The following PCNX2 variants were observed in gnomAD, a reference collection of about 807,000 sequenced individuals.
PCNX2 encodes the protein pecanex 2.
PCNX2 carries 168 observed loss-of-function variants against 223.8 expected under a neutral mutation model. The ratio of observed to expected loss-of-function variants is 0.75; its 90% CI spans 0.66 to 0.85. The LOEUF (loss-of-function observed/expected upper bound fraction) is 0.85, where lower values mean the gene tolerates loss of function less well. Ranked by LOEUF, PCNX2 falls within the 40% of genes least tolerant of loss-of-function variation. The pLI is 0.00. For missense variants in PCNX2, 2,507 were observed against 2,675.5 expected (o/e 0.94, Z 1.39); for synonymous variants, 1,006 against 1,052.6 (o/e 0.96, Z 0.86).
chr1:233,026,271 G>A (rs1293158848), intron 25 of PCNX2, among the ~76,000 whole-genome samples: 5 of 152,158 alleles, frequency 3.3e-5, no homozygotes, highest in African/African-American at 9.7e-5. Flanking sequence ...AGATGACTAC[G>A]TCCAAGGCCT....
intron 10 of PCNX2, among the ~76,000 whole-genome samples, chr1:233,225,976 TC>T (rs1657685766): frequency 2.0e-5 from 3 of 152,312 alleles, no homozygotes; most frequent in Non-Finnish European, 4.4e-5. Flanking sequence ...ATAGTTTTTT[TC>T]ATATGTGATC....
At chr1:233,021,357 A>G (rs1319664246) in intron 26 of PCNX2, among the ~76,000 whole-genome samples, 1 of 152,220 alleles carries the variant, frequency 6.6e-6, no homozygotes, top group South Asian at 2.1e-4. Flanking sequence ...TAGTAGCTCC[A>G]AAGCCTACTT....
intron 9 of PCNX2, among the ~76,000 whole-genome samples, chr1:233,227,652 A>C (rs964366439): frequency 1.3e-5 from 2 of 152,194 alleles, no homozygotes; most frequent in African/African-American, 4.8e-5. Flanking sequence ...CATCACGTCA[A>C]AATGCTACTG....
chr1:233,208,641 G>C lies in PCNX2; in HGVS notation c.2740C>G (p.Leu914Val). Reference protein sequence around the residue: ...TYSRPIYFCVLCGLILLLDTG... With the variant: ...TYSRPIYFCVVCGLILLLDTG... ...TCAAGAAGCAAAATAAGGCCACACA[G>C]CACACAAAAATAGATTGGTCTGCTA... is the stretch of plus-strand genomic sequence containing the variant. The change falls in exon 13 of 34, where the codon CTG (leucine) becomes GTG (valine). Residue 914 changes from leucine to valine, a missense_variant. Physicochemically the swap from Leu to Val is conservative, Grantham distance 32 (BLOSUM62 1). Coordinates refer to ENST00000258229, the MANE Select transcript of PCNX2 (RefSeq NM_014801.4). 1.2e-6 allele frequency: 2 copies of C among 1,613,646 alleles called. No individual in the cohort carries two copies. The highest frequency in any genetic ancestry group is 1.7e-6 in the Non-Finnish European group (2 of 1,179,808).
intron 23 of PCNX2, among the ~76,000 whole-genome samples, chr1:233,089,207 G>C (rs1402878778): frequency 6.6e-6 from 1 of 152,148 alleles, no homozygotes; most frequent in Non-Finnish European, 1.5e-5. Flanking sequence ...AAAGGATTAG[G>C]GTTTAAAAGT....
intron 26 of PCNX2, among the ~76,000 whole-genome samples, chr1:233,023,608 CT>C (rs1275440489): frequency 6.6e-6 from 1 of 152,200 alleles, no homozygotes; most frequent in Admixed American, 6.5e-5. Context: ...TCTAACACAA[CT>C]GGTATATTGA....
chr1:233,207,951 A>T (rs1681575227), intron 13 of PCNX2, among the ~76,000 whole-genome samples: 2 of 151,756 alleles, frequency 1.3e-5, no homozygotes, highest in African/African-American at 2.4e-5. Flanking sequence ...TCTTCAGATG[A>T]GCATTTATTT....
At chr1:233,124,640 T>G (rs1292788198) in intron 21 of PCNX2, among the ~76,000 whole-genome samples, 1 of 152,228 alleles carries the variant, frequency 6.6e-6, no homozygotes, top group African/African-American at 2.4e-5. Flanking sequence ...CATTTGTTGT[T>G]CATGGTTTTC....
chr1:233,216,596 G>T (rs1257571979), intron 12 of PCNX2, among the ~76,000 whole-genome samples: 1 of 152,078 alleles, frequency 6.6e-6, no homozygotes, highest in Non-Finnish European at 1.5e-5. Context: ...CTGCTAGGGG[G>T]TACAGAAATC....
chr1:233,066,790 G>A (rs1672628971), intron 23 of PCNX2, among the ~76,000 whole-genome samples: 1 of 152,160 alleles, frequency 6.6e-6, no homozygotes, highest in African/African-American at 2.4e-5. Flanking sequence ...CCCTTGCCAG[G>A]CAATAATGAG....
chr1:233,303,239 T>C, the PCNX2 span, among the ~76,000 whole-genome samples: 1 of 152,128 alleles, frequency 6.6e-6, no homozygotes, highest in Non-Finnish European at 1.5e-5. Flanking sequence ...AAATCAAAGA[T>C]CATTATAAAA....
chr1:233,114,297 A>G (rs752115194), intron 21 of PCNX2, among the ~76,000 whole-genome samples: 4 of 152,194 alleles, frequency 2.6e-5, no homozygotes, highest in Non-Finnish European at 5.9e-5. Context: ...CAAGGGAGGA[A>G]CATTTAAAGA....
At chr1:233,279,640 T>G (rs1661088932) in intron 1 of PCNX2, among the ~76,000 whole-genome samples, 1 of 149,042 alleles carries the variant, frequency 6.7e-6, no homozygotes, top group Admixed American at 6.6e-5. Flanking sequence ...GATTTTGTAT[T>G]TGTTTGTTTT....
intron 1 of PCNX2, among the ~76,000 whole-genome samples, chr1:233,274,300 C>T (rs750209451): frequency 1.2e-4 from 19 of 152,164 alleles, no homozygotes; most frequent in Non-Finnish European, 1.8e-4. Flanking sequence ...TGAGGGGCTA[C>T]GTAGGTGCTA....
chr1:233,315,043 T>C, the PCNX2 span, among the ~76,000 whole-genome samples: 1 of 152,164 alleles, frequency 6.6e-6, no homozygotes, highest in East Asian at 1.9e-4. Context: ...CATCCATACA[T>C]TCAGGAAGGG....
intron 17 of PCNX2, among the ~76,000 whole-genome samples, chr1:233,171,798 C>A (rs1488555302): frequency 6.6e-6 from 1 of 152,136 alleles, no homozygotes; most frequent in Non-Finnish European, 1.5e-5. Context: ...CTCTCTTTTT[C>A]AAGGAATTCT....
At chr1:233,313,093 T>G in the PCNX2 span, among the ~76,000 whole-genome samples, 1 of 152,200 alleles carries the variant, frequency 6.6e-6, no homozygotes, top group Non-Finnish European at 1.5e-5. Context: ...AGAAATAAAA[T>G]GTTGATCTCA....
rs575653004 is a variant in PCNX2, at chr1:233,120,956, C to A, written c.3837+14057G>T. Among the ~76,000 whole-genome samples, 4 of 151,842 alleles carry A rather than the reference C, an allele frequency of 2.6e-5. No individual in the cohort carries two copies. In the East Asian group the frequency reaches 5.8e-4, roughly 22 times the overall value. On this transcript the variant is annotated intron_variant, in intron 21 of 33. Transcript: ENST00000258229. ...AGATTCAGAACAAACAGTCCAGGAACTAATAAGTCAGCATAGCAAGGCTGC... is the reference window on the plus strand; with the variant it reads ...AGATTCAGAACAAACAGTCCAGGAAATAATAAGTCAGCATAGCAAGGCTGC...
chr1:232,989,857 A>G (rs980712985), intron 32 of PCNX2, among the ~76,000 whole-genome samples: 14 of 152,264 alleles, frequency 9.2e-5, no homozygotes, highest in Admixed American at 7.8e-4. Flanking sequence ...CCCATAGGCA[A>G]GCGCCTGTAG....
Sources: allele counts gnomAD v4.1 joint callset (sites outside exome capture counted in the v4.1 genomes callset), GRCh38; gene constraint gnomAD v4.1.1; transcripts MANE v1.5; gene names NCBI Gene and HGNC (gene_info 2026-07-23, HGNC 2026-07-21).